Variants in KCNAB2 observed in about 807,000 individuals in gnomAD.
KCNAB2 encodes voltage-gated potassium channel subunit beta-2.
Under a neutral mutation model 63.6 loss-of-function variants are expected in KCNAB2, and 29 were observed. That is an observed-to-expected ratio of 0.46 (90% CI 0.34 to 0.62). The LOEUF (loss-of-function observed/expected upper bound fraction) is 0.62, where lower values mean the gene tolerates loss of function less well. Ranked by LOEUF, KCNAB2 falls within the 20% of genes least tolerant of loss-of-function variation. The pLI is 0.01. For synonymous variants in KCNAB2, 222 were observed against 224.2 expected (o/e 0.99, Z 0.09); for missense variants, 359 against 563.9 (o/e 0.64, Z 3.68).
At chr1:6,085,623 A>G (rs3747980) in intron 6 of KCNAB2, 27,699 of 199,610 alleles carry the variant, frequency 0.14, 2,158 homozygotes, top group African/African-American at 0.21. Context: ...GGTGCAAAGC[A>G]CTTCCACTTC....
rs1165267044 is a variant in KCNAB2 at position 6,005,440 on chromosome 1, G to C, written c.-53+12652G>C. 6.3e-5 allele frequency among the ~76,000 whole-genome samples: 9 copies of C among 142,466 alleles called. 1 individual carries two copies. The highest frequency in any genetic ancestry group is 2.2e-4 in the African/African-American group (8 of 36,052). The allele number at this position is 142,466 out of a possible 152,430, so 93.5% of individuals were successfully genotyped here. On this transcript the variant is annotated intron_variant, in intron 1 of 16. Coordinates refer to the KCNAB2 transcript ENST00000341524. ...GGTGGAGTTGTGGGTTGTGTGAGCT[G>C]AGCTGAGGGGTGAGGGTGGAGGCGG...
rs1381227704 is a variant in KCNAB2 at position 6,087,313 on chromosome 1, C to CA, written c.426-153dup. Among the ~76,000 whole-genome samples the CA allele has an allele frequency of 3.3e-5, 5 of 152,220 alleles. No homozygotes were observed. The highest frequency in any genetic ancestry group is 5.9e-5 in the Non-Finnish European group (4 of 68,046). ...GCACCCCGGCTGGGCACGTGGTACACATCATATGATGGAGAAGTGCCCATT... is the reference window on the plus strand; with the variant it reads ...GCACCCCGGCTGGGCACGTGGTACACAATCATATGATGGAGAAGTGCCCATT... On this transcript the variant is annotated intron_variant, in intron 6 of 15. Coordinates refer to ENST00000378083, the MANE Select transcript of KCNAB2 (RefSeq NM_001199862.2). This position sits in a 1 kb window ranked among gnomAD's most constrained non-coding sequence, Gnocchi z 6.4.
chr1:6,085,660 G>A (rs1664635410), intron 6 of KCNAB2: 4 of 229,312 alleles, frequency 1.7e-5, no homozygotes. Context: ...AGGGTCAGGG[G>A]AGCCAGGGGG....
intron 1 of KCNAB2, among the ~76,000 whole-genome samples, chr1:6,005,917 CACAT>C (rs1657652142): frequency 7.5e-6 from 1 of 133,824 alleles, no homozygotes; most frequent in African/African-American, 3.0e-5. Flanking sequence ...GCTCAGCTCC[CACAT>C]CCCCCCACTC....
chr1:6,051,466 A>G, intron 1 of KCNAB2, 45 bp from the exon 2 acceptor site: 6 of 1,430,678 alleles, frequency 4.2e-6, no homozygotes. Context: ...AGCCTGGGGC[A>G]CGTGGGGCAT....
intron 5 of KCNAB2, among the ~76,000 whole-genome samples, chr1:6,083,382 G>A (rs1025251418): frequency 2.6e-5 from 4 of 152,134 alleles, no homozygotes; most frequent in Non-Finnish European, 2.9e-5. Context: ...GGATGAGGCC[G>A]GGCACACCCC....
upstream of KCNAB2, chr1:6,045,807 G>A: frequency 1.4e-6 from 1 of 697,506 alleles, no homozygotes; most frequent in Non-Finnish European, 1.8e-6. The surrounding 1 kb of genome is among the most constrained non-coding windows in gnomAD (Gnocchi z 4.8). Flanking sequence ...CGCGGGGATG[G>A]TGGAGGCAGC....
chr1:6,066,014 G>A (rs944626619), intron 2 of KCNAB2, among the ~76,000 whole-genome samples: 4 of 152,200 alleles, frequency 2.6e-5, no homozygotes, highest in Admixed American at 1.3e-4. Flanking sequence ...GATGGCTCCT[G>A]AGCCCAAGGG....
intron 1 of KCNAB2, among the ~76,000 whole-genome samples, chr1:6,049,089 G>A (rs977921629): frequency 1.3e-5 from 2 of 152,250 alleles, no homozygotes; most frequent in African/African-American, 4.8e-5. Context: ...CTCCTGGCAT[G>A]GGAACCCCCC....
chr1:6,027,352 G>T (rs889233170), intron 1 of KCNAB2: 9 of 152,524 alleles, frequency 5.9e-5, no homozygotes, highest in Non-Finnish European at 1.0e-4. Context: ...TGCTGCCTCT[G>T]CAGGGGACAG....
chr1:6,032,299 G>A (rs1351450551), upstream of KCNAB2, among the ~76,000 whole-genome samples: 1 of 152,160 alleles, frequency 6.6e-6, no homozygotes, highest in Non-Finnish European at 1.5e-5. Flanking sequence ...AAAGAGCAGT[G>A]GCCGGTTGCG....
Position 6,086,466 on chromosome 1 carries a change from C to G in KCNAB2, c.426-1001C>G, listed in dbSNP as rs756204358. 3.5e-4 allele frequency: 297 copies of G among 837,070 alleles called. No homozygotes were observed. Among genetic ancestry groups the G allele is most frequent in the Non-Finnish European group, 4.2e-4 (290 of 694,730 alleles). 51.9% of individuals were successfully genotyped at this position (837,070 alleles called of 1,614,324 possible). A position where few individuals can be genotyped will look rare whatever the true frequency, so the allele number is the denominator to read the frequency against. On this transcript the variant is annotated intron_variant, in intron 6 of 15. Coordinates refer to ENST00000378083, the MANE Select transcript of KCNAB2 (RefSeq NM_001199862.2). The surrounding 1 kb of genome is among the most constrained non-coding windows in gnomAD (Gnocchi z 4.2). Reference sequence around the variant, plus strand: ...GCTGCCTCTGCCAGAGCTCTGTGGCCGATGCTTCGGGGCAGAGGAGGCCTC... The same window carrying G: ...GCTGCCTCTGCCAGAGCTCTGTGGCGGATGCTTCGGGGCAGAGGAGGCCTC...
At chr1:6,033,400 G>A (rs1659792916), upstream of KCNAB2, among the ~76,000 whole-genome samples, 1 of 151,272 alleles carries the variant, frequency 6.6e-6, no homozygotes, top group African/African-American at 2.4e-5. Context: ...CATTGCATGT[G>A]TGCCTGTATG....
chr1:6,066,027 CAG>C (rs1275378632), intron 2 of KCNAB2, among the ~76,000 whole-genome samples: 2 of 152,226 alleles, frequency 1.3e-5, no homozygotes, highest in African/African-American at 4.8e-5. Context: ...CCCAAGGGGA[CAG>C]GGGACGCAGC....
chr1:6,031,535 C>A (rs1050657321), upstream of KCNAB2, among the ~76,000 whole-genome samples: 12 of 152,320 alleles, frequency 7.9e-5, no homozygotes, highest in African/African-American at 2.9e-4. The surrounding 1 kb of genome is among the most constrained non-coding windows in gnomAD (Gnocchi z 4.1). Flanking sequence ...TAGTCTGGGG[C>A]TGCTCTTCCT....
At position 6,100,051 on chromosome 1, in the gene KCNAB2, G is replaced by A. The variant is rs997422756; in HGVS notation, c.*1477G>A. On this transcript the variant is annotated 3_prime_UTR_variant, in exon 16 of 16. Transcript: ENST00000378083. ...GGGAAGCCTGTGTCTCCTGCCCCCAGGGCGCACCCTCAGTGCAGGCACCTC... is the reference window on the plus strand; with the variant it reads ...GGGAAGCCTGTGTCTCCTGCCCCCAAGGCGCACCCTCAGTGCAGGCACCTC... 1.6e-5 allele frequency: 24 copies of A among 1,502,492 alleles called. No homozygotes were observed. The African/African-American group carries it at 3.3e-4, about 21-fold the overall frequency. 93.1% of individuals were successfully genotyped at this position (1,502,492 alleles called of 1,614,324 possible). A position where few individuals can be genotyped will look rare whatever the true frequency, so the allele number is the denominator to read the frequency against.
At chr1:6,091,193 C>T (rs1013319445) in intron 9 of KCNAB2, 70 bp from the exon 10 acceptor site, 7 of 1,163,074 alleles carry the variant, frequency 6.0e-6, no homozygotes, top group African/African-American at 3.0e-5. Flanking sequence ...GCTGTGCCTT[C>T]GTCGTGCCAC....
chr1:6,076,720 C>G (rs1251193381), intron 4 of KCNAB2, among the ~76,000 whole-genome samples: 1 of 152,194 alleles, frequency 6.6e-6, no homozygotes, highest in African/African-American at 2.4e-5. Flanking sequence ...GGGGTAGGGA[C>G]AGATTCCTTG....
chr1:6,091,396 C>A, intron 10 of KCNAB2, 89 bp downstream of exon 10: 1 of 952,290 alleles, frequency 1.1e-6, no homozygotes, highest in South Asian at 1.5e-5. Flanking sequence ...TTCTTTTACC[C>A]CATGAGAAAC....
Sources: gnomAD v4.1 joint callset for allele counts (sites outside exome capture counted in the v4.1 genomes callset) on GRCh38, gnomAD v4.1.1 for gene constraint, Gnocchi (gnomAD v3.1) non-coding constraint, MANE v1.5 for transcripts, NCBI Gene and HGNC (gene_info 2026-07-23, HGNC 2026-07-21) for gene names.